Variants in DIP2C observed in about 807,000 individuals in gnomAD.
The protein encoded by DIP2C is disco-interacting protein 2 homolog C.
Under a neutral mutation model 192.4 loss-of-function variants are expected in DIP2C, and 33 were observed. The observed-to-expected ratio is 0.17, with a 90% CI of 0.13 to 0.23. DIP2C has a LOEUF of 0.23. DIP2C is among the 10% of genes least tolerant of loss of function. DIP2C has a pLI of 1.00. For synonymous variants in DIP2C, 979 were observed against 864.1 expected (o/e 1.13, Z -2.33); for missense variants, 1,537 against 2,110.1 (o/e 0.73, Z 5.32).
chr10:393,866 C>T (rs939213581), intron 10 of DIP2C, among the ~76,000 whole-genome samples: 1 of 143,726 alleles, frequency 7.0e-6, no homozygotes, highest in African/African-American at 2.6e-5. Context: ...CATCACCTCA[C>T]ATTTCTTGCA....
At chr10:325,170 C>G (rs1450697096) in intron 31 of DIP2C, among the ~76,000 whole-genome samples, 1 of 151,870 alleles carries the variant, frequency 6.6e-6, no homozygotes, top group Non-Finnish European at 1.5e-5. Flanking sequence ...GAAGCTGAGG[C>G]AGGAGAATGG....
At chr10:568,346 C>A (rs1849566072) in intron 1 of DIP2C, among the ~76,000 whole-genome samples, 1 of 152,174 alleles carries the variant, frequency 6.6e-6, no homozygotes, top group South Asian at 2.1e-4. Context: ...AGCTAGAGTT[C>A]TACCGTGGGG....
intron 1 of DIP2C, among the ~76,000 whole-genome samples, chr10:580,588 C>T (rs563471553): frequency 6.6e-6 from 1 of 152,234 alleles, no homozygotes; most frequent in African/African-American, 2.4e-5. Context: ...GTGTACATAC[C>T]TATACATTGT....
intron 1 of DIP2C, among the ~76,000 whole-genome samples, chr10:649,529 T>C (rs763184499): frequency 2.1e-4 from 32 of 152,214 alleles, no homozygotes; most frequent in Non-Finnish European, 3.4e-4. Flanking sequence ...GACTGTAAAA[T>C]AATATAATTT....
intron 29 of DIP2C, among the ~76,000 whole-genome samples, chr10:336,317 T>G (rs1354743075): frequency 1.4e-5 from 2 of 140,322 alleles, no homozygotes; most frequent in Non-Finnish European, 3.1e-5. Context: ...CTGAAAAATT[T>G]CTACTGCCTA....
chr10:305,183 CACTTAT>C (rs544348850), intron 32 of DIP2C, among the ~76,000 whole-genome samples: 83 of 152,338 alleles, frequency 5.4e-4, no homozygotes, highest in East Asian at 5.0e-3. Flanking sequence ...TGCATATATG[CACTTAT>C]ACTTGTACCC....
At chr10:593,619 A>G (rs1406637971) in intron 1 of DIP2C, among the ~76,000 whole-genome samples, 2 of 151,760 alleles carry the variant, frequency 1.3e-5, no homozygotes, top group East Asian at 2.0e-4. Flanking sequence ...TGGGCCAAGC[A>G]TGGAGACGGC....
chr10:615,579 T>C (rs1207505967), intron 1 of DIP2C, among the ~76,000 whole-genome samples: 1 of 152,046 alleles, frequency 6.6e-6, no homozygotes, highest in African/African-American at 2.4e-5. Flanking sequence ...AAAACGTCTA[T>C]TTACTTCGGA....
intron 28 of DIP2C, among the ~76,000 whole-genome samples, chr10:342,405 G>T (rs373803384): frequency 6.6e-6 from 1 of 152,086 alleles, no homozygotes; most frequent in African/African-American, 2.4e-5. Flanking sequence ...TGATCCACCC[G>T]CCTCGGCCTC....
chr10:415,291 G>A (rs928536147), intron 7 of DIP2C, among the ~76,000 whole-genome samples: 2 of 152,076 alleles, frequency 1.3e-5, no homozygotes, highest in Admixed American at 6.6e-5. Context: ...TTGCTACAAT[G>A]AGCAGTTCTT....
chr10:542,997 G>T (rs527585194), intron 1 of DIP2C, among the ~76,000 whole-genome samples: 5 of 152,342 alleles, frequency 3.3e-5, no homozygotes, highest in Middle Eastern at 3.4e-3. Flanking sequence ...TCAGCACCAG[G>T]AAAAGTCAAA....
rs1954941387 is a variant in DIP2C, at chr10:283,400, T to TA, written c.4165dup (p.Tyr1389LeufsTer37). The TA allele has an allele frequency of 6.2e-7, 1 of 1,614,058 alleles. No homozygotes were observed. The highest frequency in any genetic ancestry group is 1.3e-5 in the African/African-American group (1 of 74,908). On this transcript the variant is annotated frameshift_variant, in exon 35 of 37. Coordinates refer to ENST00000280886, the MANE Select transcript of DIP2C (RefSeq NM_014974.3). LOFTEE classifies it high-confidence loss of function. ...ATCTGACTGGAGGGATTCGTCTCCGTAAATAGTGAAATAACCGCTGGCATT... is the reference window on the plus strand; with the variant it reads ...ATCTGACTGGAGGGATTCGTCTCCGTAAAATAGTGAAATAACCGCTGGCATT...
At chr10:389,856 C>T (rs760655306) in intron 13 of DIP2C, 135 bp downstream of exon 13, 2 of 725,276 alleles carry the variant, frequency 2.8e-6, no homozygotes, top group Admixed American at 5.1e-5. Context: ...CCTAACTCAA[C>T]AATAAGTTCA....
intron 1 of DIP2C, among the ~76,000 whole-genome samples, chr10:536,333 T>C (rs140624579): frequency 1.3e-5 from 2 of 152,348 alleles, no homozygotes; most frequent in African/African-American, 2.4e-5. Flanking sequence ...CCTGAGAGCA[T>C]GGTATCTATC....
chr10:488,267 G>A (rs1288443724), intron 1 of DIP2C, among the ~76,000 whole-genome samples: 1 of 152,192 alleles, frequency 6.6e-6, no homozygotes, highest in African/African-American at 2.4e-5. Context: ...CCAGCTTCCA[G>A]GCCACTTCTG....
At chr10:326,112 G>A (rs570562279) in intron 31 of DIP2C, among the ~76,000 whole-genome samples, 39 of 151,338 alleles carry the variant, frequency 2.6e-4, no homozygotes, top group African/African-American at 3.1e-4. Context: ...GCCTGGGAGC[G>A]GGGGGCAGGG....
At chr10:283,516 T>C in intron 34 of DIP2C, 70 bp from the exon 35 acceptor site, 1 of 1,558,890 alleles carries the variant, frequency 6.4e-7, no homozygotes, top group Non-Finnish European at 8.8e-7. Context: ...CTACAACTAC[T>C]TTGACAATTC....
intron 1 of DIP2C, among the ~76,000 whole-genome samples, chr10:680,819 G>A (rs1404457291): frequency 1.3e-5 from 2 of 152,244 alleles, no homozygotes; most frequent in African/African-American, 4.8e-5. Context: ...GAGTAATAGA[G>A]ACAATGGCAC....
chr10:599,816 A>C (rs552789062), intron 1 of DIP2C, among the ~76,000 whole-genome samples: 23 of 152,198 alleles, frequency 1.5e-4, no homozygotes, highest in Admixed American at 1.4e-3. Flanking sequence ...CTGTGTTTTA[A>C]GCATGAACAG....
Sources: gnomAD v4.1 joint callset for allele counts (sites outside exome capture counted in the v4.1 genomes callset) on GRCh38, gnomAD v4.1.1 for gene constraint, MANE v1.5 for transcripts, NCBI Gene and HGNC (gene_info 2026-07-23, HGNC 2026-07-21) for gene names.